The following HDAC1 variants were observed in gnomAD, a reference collection of about 807,000 sequenced individuals.
The protein encoded by HDAC1 is protein deacetylase HDAC1.
In HDAC1, 18 loss-of-function variants were observed where a neutral mutation model predicts 65.5. The ratio of observed to expected loss-of-function variants is 0.27; its 90% CI spans 0.19 to 0.41. The LOEUF (loss-of-function observed/expected upper bound fraction) is 0.41. HDAC1 is among the 10% of genes least tolerant of loss of function. The pLI is 1.00. For missense variants in HDAC1, 373 were observed against 625.2 expected, an observed-to-expected ratio of 0.60 and a Z score of 4.30; for synonymous variants, 211 against 227.9, an observed-to-expected ratio of 0.93 and a Z score of 0.67.
intron 2 of HDAC1, among the ~76,000 whole-genome samples, chr1:32,309,426 C>G (rs944145465): frequency 6.6e-6 from 1 of 152,114 alleles, no homozygotes; most frequent in African/African-American, 2.4e-5. Flanking sequence ...GTGGCTCACG[C>G]CTGCAATCCC....
At chr1:32,319,420 T>C (rs1641110283) in intron 3 of HDAC1, among the ~76,000 whole-genome samples, 1 of 152,162 alleles carries the variant, frequency 6.6e-6, no homozygotes, top group Admixed American at 6.6e-5. Context: ...CTTTATAACC[T>C]GGGGTATCTA....
At position 32,330,205 on chromosome 1, in the gene HDAC1, T is replaced by TCATA. The variant is rs938128393; in HGVS notation, c.730-372_730-369dup. On this transcript the variant is annotated intron_variant, in intron 7 of 13. Coordinates refer to ENST00000373548, the MANE Select transcript of HDAC1 (RefSeq NM_004964.3). The surrounding 1 kb of genome is among the most constrained non-coding windows in gnomAD (Gnocchi z 4.2). ...AATAAGATAAACTAAAAGTGCTTGC[T>TCATA]CATAATGTAAGGCTTCAAGTCTGTA... The TCATA allele has an allele frequency of 8.9e-6, 2 of 225,814 alleles. No homozygotes were observed. The highest frequency in any genetic ancestry group is 4.6e-5 in the African/African-American group (2 of 43,840). The allele number at this position is 225,814 out of a possible 1,614,324, so 14.0% of individuals were successfully genotyped here.
At position 32,292,126 on chromosome 1, in the gene HDAC1, A is replaced by G. The variant is rs1167570106; in HGVS notation, c.-44A>G. 1 of 1,538,974 alleles carries G rather than the reference A, an allele frequency of 6.5e-7. No homozygotes were observed. The highest frequency in any genetic ancestry group is 1.2e-5 in the South Asian group (1 of 83,776). On this transcript the variant is annotated 5_prime_UTR_variant, in exon 1 of 14. Transcript: ENST00000373548. ...GACGCTGAGCGGAGCCGCGGGCGGG[A>G]GGGCGGACGGACCGACTGACGGTAG...
intron 3 of HDAC1, among the ~76,000 whole-genome samples, chr1:32,323,141 GA>G (rs1340557872): frequency 1.3e-5 from 2 of 151,948 alleles, no homozygotes; most frequent in Non-Finnish European, 2.9e-5. Context: ...TCTCTACTAA[GA>G]ATGCGGAAAT....
intron 1 of HDAC1, 47 bp from the exon 2 acceptor site, chr1:32,302,574 G>A (rs775809235): frequency 1.1e-6 from 1 of 907,400 alleles, no homozygotes; most frequent in Non-Finnish European, 1.9e-6. Context: ...TCTCCTGGTA[G>A]TGTATGCCTA....
chr1:32,301,615 C>G (rs1176516126), intron 1 of HDAC1, among the ~76,000 whole-genome samples: 1 of 151,422 alleles, frequency 6.6e-6, no homozygotes, highest in Non-Finnish European at 1.5e-5. Flanking sequence ...ACTAAAAATA[C>G]AAAAATTAGC....
intron 1 of HDAC1, among the ~76,000 whole-genome samples, chr1:32,296,407 C>T (rs1408442429): frequency 6.6e-6 from 1 of 152,164 alleles, no homozygotes; most frequent in Non-Finnish European, 1.5e-5. Flanking sequence ...CTCTGTCACT[C>T]AGGCTGGAGT....
intron 4 of HDAC1, among the ~76,000 whole-genome samples, chr1:32,325,220 C>T (rs2148069394): frequency 6.6e-6 from 1 of 152,302 alleles, no homozygotes; most frequent in East Asian, 1.9e-4. Context: ...ATGGTAATTA[C>T]CTTTAGAGGT....
At position 32,327,222 on chromosome 1, in the gene HDAC1, T is replaced by C. The variant is rs1641230721; in HGVS notation, c.494+145T>C. 4 of 757,786 alleles carry C rather than the reference T, an allele frequency of 5.3e-6. No individual in the cohort carries two copies. The highest frequency in any genetic ancestry group is 2.5e-5 in the Admixed American group (1 of 40,812). 46.9% of individuals were successfully genotyped at this position (757,786 alleles called of 1,614,324 possible). A position where few individuals can be genotyped will look rare whatever the true frequency, so the allele number is the denominator to read the frequency against. ...TCGGTGAGTGTCTCTGGCCATCATC[T>C]CCTTGATGGGGTCTTGGTTTGATCT... is the stretch of plus-strand genomic sequence containing the variant. On this transcript the variant is annotated intron_variant, in intron 5 of 13. Coordinates refer to ENST00000373548, the MANE Select transcript of HDAC1 (RefSeq NM_004964.3). This position sits in a 1 kb window ranked among gnomAD's most constrained non-coding sequence, Gnocchi z 6.0.
rs1318049482 is a variant in HDAC1 at position 32,302,678 on chromosome 1, G to A, written c.107G>A (p.Arg36His). 2.5e-6 allele frequency: 4 copies of A among 1,607,820 alleles called. No individual in the cohort carries two copies. Among genetic ancestry groups the A allele is most frequent in the Non-Finnish European group, 3.4e-6 (4 of 1,174,428 alleles). Residue 36 changes from arginine (R) to histidine (H), a missense_variant, in exon 2 of 14, where the codon CGC becomes CAC. Physicochemically the swap from Arg to His is conservative, Grantham distance 29. Coordinates refer to ENST00000373548, the MANE Select transcript of HDAC1 (RefSeq NM_004964.3). ...CACCCAATGAAGCCTCACCGAATCC[G>A]CATGACTCATAATTTGCTGCTCAAC... ...QGHPMKPHRI[R>H]MTHNLLLNYG...
At chr1:32,314,810 A>G (rs1302763871) in intron 2 of HDAC1, among the ~76,000 whole-genome samples, 2 of 145,574 alleles carry the variant, frequency 1.4e-5, no homozygotes, top group African/African-American at 5.2e-5. Flanking sequence ...TGGGCGACAG[A>G]GCGAGACTCC....
chr1:32,323,269 C>G (rs1467460813), intron 3 of HDAC1, among the ~76,000 whole-genome samples: 1 of 152,024 alleles, frequency 6.6e-6, no homozygotes, highest in African/African-American at 2.4e-5. Context: ...TCACTATACT[C>G]CAGCCTGGGC....
intron 1 of HDAC1, among the ~76,000 whole-genome samples, chr1:32,298,954 G>A (rs562789544): frequency 1.3e-5 from 2 of 152,178 alleles, no homozygotes; most frequent in Admixed American, 6.5e-5. Flanking sequence ...GCCTGAGATC[G>A]CACCACTGCA....
Position 32,332,685 on chromosome 1 carries a change from T to C in HDAC1, c.1373-16T>C. ...GAGGTGCTGCCCTTGGCCATCCCTG[T>C]ACTCTTGTGTTCTAGAAGTCACCGA... On this transcript the variant is annotated splice_polypyrimidine_tract_variant and intron_variant, in intron 12 of 13. Transcript: ENST00000373548. 6.4e-7 allele frequency: 1 copy of C among 1,551,966 alleles called. No homozygotes were observed. Among genetic ancestry groups the C allele is most frequent in the South Asian group, 1.2e-5 (1 of 84,090 alleles).
intron 1 of HDAC1, among the ~76,000 whole-genome samples, chr1:32,300,400 T>C (rs1217001442): frequency 1.3e-5 from 2 of 151,626 alleles, no homozygotes; most frequent in Non-Finnish European, 1.5e-5. Context: ...CTACTAAATA[T>C]GAAAATTAGC....
intron 13 of HDAC1, 85 bp downstream of exon 13, chr1:32,332,834 ACAGCTGGTC>A: frequency 7.6e-7 from 1 of 1,312,762 alleles, no homozygotes; most frequent in South Asian, 1.3e-5. Context: ...AGGCACAGGG[ACAGCTGGTC>A]CAGCTTACAA....
intron 3 of HDAC1, among the ~76,000 whole-genome samples, chr1:32,317,147 T>A (rs1641076254): frequency 6.6e-6 from 1 of 152,224 alleles, no homozygotes; most frequent in Non-Finnish European, 1.5e-5. Flanking sequence ...TAAAGTGGGC[T>A]GGGCCACATG....
chr1:32,320,080 C>A (rs562406158), intron 3 of HDAC1, among the ~76,000 whole-genome samples: 1 of 151,974 alleles, frequency 6.6e-6, no homozygotes, highest in Non-Finnish European at 1.5e-5. Context: ...ATTAGCCGGA[C>A]GTGGTGGCAG....
In HDAC1 at chr1:32,331,648, C is replaced by T. The variant is rs1378811865; in HGVS notation, c.1089-28C>T. On this transcript the variant is annotated intron_variant, in intron 10 of 13. Coordinates refer to ENST00000373548, the MANE Select transcript of HDAC1 (RefSeq NM_004964.3). This position sits in a 1 kb window ranked among gnomAD's most constrained non-coding sequence, Gnocchi z 4.2. ...GACTTTGGTTTGTCCCTGACCAGAG[C>T]CCTGCTACTCTCTCCCATTGGCCAC... 2 of 1,613,158 alleles carry T rather than the reference C, an allele frequency of 1.2e-6. No homozygotes were observed. Among genetic ancestry groups the T allele is most frequent in the Admixed American group, 1.7e-5 (1 of 59,978 alleles).
Sources: gnomAD v4.1 joint callset for allele counts (sites outside exome capture counted in the v4.1 genomes callset) on GRCh38, gnomAD v4.1.1 for gene constraint, Gnocchi (gnomAD v3.1) non-coding constraint, MANE v1.5 for transcripts, NCBI Gene and HGNC (gene_info 2026-07-23, HGNC 2026-07-21) for gene names.